The following CAMK2B variants were observed in gnomAD, a reference collection of about 807,000 sequenced individuals.
The protein encoded by CAMK2B is calcium/calmodulin dependent protein kinase II beta.
In CAMK2B, 27 loss-of-function variants were observed where a neutral mutation model predicts 93.7. That is an observed-to-expected ratio of 0.29 (90% CI 0.21 to 0.40). The LOEUF is 0.40. Ranked by LOEUF, CAMK2B falls within the 10% of genes least tolerant of loss-of-function variation. The probability of loss-of-function intolerance (pLI) is 1.00; values close to 1 mark genes in which losing one functional copy is unlikely to be tolerated. For missense variants in CAMK2B, 568 were observed against 895.8 expected (o/e 0.63, Z 4.67); for synonymous variants, 374 against 358.8 (o/e 1.04, Z -0.48).
intron 5 of CAMK2B, among the ~76,000 whole-genome samples, chr7:44,251,227 A>G (rs2096777527): frequency 6.6e-6 from 1 of 152,160 alleles, no homozygotes; most frequent in African/African-American, 2.4e-5. Flanking sequence ...CTGTCTCAGC[A>G]CAACCCTGAC....
At chr7:44,241,902 C>T (rs537051183) in intron 10 of CAMK2B, 119 bp from the exon 11 acceptor site, 15 of 794,524 alleles carry the variant, frequency 1.9e-5, no homozygotes, top group South Asian at 9.6e-5. Context: ...GCCACCATTG[C>T]GGCAAGGGTT....
chr7:44,263,440 G>A (rs750840539), intron 2 of CAMK2B, among the ~76,000 whole-genome samples: 23 of 152,228 alleles, frequency 1.5e-4, no homozygotes, highest in Non-Finnish European at 2.9e-4. Flanking sequence ...CGAGGCAGGG[G>A]AGGGGCTGTC....
chr7:44,270,612 T>C (rs1434593317), intron 2 of CAMK2B, among the ~76,000 whole-genome samples: 1 of 152,234 alleles, frequency 6.6e-6, no homozygotes, highest in Non-Finnish European at 1.5e-5. Flanking sequence ...GGAAACTGGC[T>C]GCATCCAAAT....
At chr7:44,284,353 T>A (rs1426713717) in intron 1 of CAMK2B, 128 bp from the exon 2 acceptor site, 1 of 681,226 alleles carries the variant, frequency 1.5e-6, no homozygotes, top group Non-Finnish European at 2.5e-6. Context: ...CTCGGGCAGA[T>A]GGCTGTGAGT....
intron 20 of CAMK2B, 53 bp from the exon 21 acceptor site, chr7:44,220,954 A>G: frequency 3.4e-6 from 5 of 1,456,274 alleles, no homozygotes; most frequent in South Asian, 1.2e-5. Context: ...TTCCCCCCGG[A>G]CCCCTCCACA....
chr7:44,267,832 G>A (rs1406902169), intron 2 of CAMK2B, among the ~76,000 whole-genome samples: 1 of 152,222 alleles, frequency 6.6e-6, no homozygotes, highest in Non-Finnish European at 1.5e-5. Flanking sequence ...CTAAACCGGA[G>A]CCTGCAATTA....
rs1280887581 is a variant in CAMK2B at position 44,224,121 on chromosome 7, C to A, written c.1597+2395G>T. Reference sequence around the variant, plus strand: ...CGTGAAGTAAACAGAAGAGGAGATGCATGGTCAGAGTTCCAATCAAGAGTG... The same window carrying A: ...CGTGAAGTAAACAGAAGAGGAGATGAATGGTCAGAGTTCCAATCAAGAGTG... On this transcript the variant is annotated intron_variant, in intron 20 of 23. Transcript: ENST00000395749. This position sits in a 1 kb window ranked among gnomAD's most constrained non-coding sequence, Gnocchi z 4.4. Among the ~76,000 whole-genome samples the A allele has an allele frequency of 6.6e-6, 1 of 152,208 alleles. No homozygotes were observed. Among genetic ancestry groups the A allele is most frequent in the Non-Finnish European group, 1.5e-5 (1 of 68,046 alleles).
chr7:44,220,101 G>A lies in CAMK2B; in HGVS notation c.1962C>T (p.His654=), dbSNP rs146788876. ...CCACAGGCGCGCCCGAGCAGTGGAAGTGCACGTTCTGCCACTTGCCGTCGC... is the reference window on the plus strand; with the variant it reads ...CCACAGGCGCGCCCGAGCAGTGGAAATGCACGTTCTGCCACTTGCCGTCGC... The part of the protein sequence containing the change: ...HRRDGKWQNV[H]FHCSGAPVAP... Residue 654 remains histidine, a synonymous_variant, in exon 23 of 24, where the codon CAC becomes CAT. Transcript: ENST00000395749. The A allele has an allele frequency of 3.7e-6, 6 of 1,609,198 alleles. No individual in the cohort carries two copies. The highest frequency in any genetic ancestry group is 4.5e-5 in the East Asian group (2 of 44,782).
Position 44,218,286 on chromosome 7 carries a change from A to C in CAMK2B, c.*1239T>G, listed in dbSNP as rs909380036. 3 of 152,618 alleles carry C rather than the reference A, an allele frequency of 2.0e-5. No homozygotes were observed. The highest frequency in any genetic ancestry group is 7.2e-5 in the African/African-American group (3 of 41,470). 9.5% of individuals were successfully genotyped at this position (152,618 alleles called of 1,614,324 possible). On this transcript the variant is annotated 3_prime_UTR_variant, in exon 24 of 24. Coordinates refer to ENST00000395749, the MANE Select transcript of CAMK2B (RefSeq NM_001220.5). ...AAACCCCTGCACAGACCCTTGTCTC[A>C]GCCCAGAAGCTGGGCAGCCACCACC...
intron 1 of CAMK2B, among the ~76,000 whole-genome samples, chr7:44,292,553 A>T (rs1293696706): frequency 6.6e-6 from 1 of 152,216 alleles, no homozygotes; most frequent in Non-Finnish European, 1.5e-5. Flanking sequence ...TGAGAAAAGA[A>T]GTTTGGGAAC....
intron 1 of CAMK2B, among the ~76,000 whole-genome samples, chr7:44,285,514 G>A (rs1211542680): frequency 2.0e-5 from 3 of 152,216 alleles, no homozygotes; most frequent in African/African-American, 7.2e-5. Flanking sequence ...ACCCACATGG[G>A]AGTCCAGGCC....
chr7:44,236,436 G>A (rs1016951937), intron 13 of CAMK2B, among the ~76,000 whole-genome samples: 2 of 152,024 alleles, frequency 1.3e-5, no homozygotes, highest in African/African-American at 4.8e-5. Flanking sequence ...GAAGTAGAGG[G>A]GCCTCAGGCA....
In CAMK2B at chr7:44,225,993, C is replaced by G. The variant is rs1044939988; in HGVS notation, c.1597+523G>C. 1.6e-5 allele frequency: 18 copies of G among 1,132,972 alleles called. No homozygotes were observed. The highest frequency in any genetic ancestry group is 2.1e-5 in the Non-Finnish European group (18 of 869,034). The allele number at this position is 1,132,972 out of a possible 1,614,324, so 70.2% of individuals were successfully genotyped here. On this transcript the variant is annotated intron_variant, in intron 20 of 23. Transcript: ENST00000395749. This position sits in a 1 kb window ranked among gnomAD's most constrained non-coding sequence, Gnocchi z 5.0. ...TGCCCAGCCTGTGCTTCCTGTCCCG[C>G]CCGCTCTGTTTCAGCCTGGCCCCAG...
chr7:44,298,345 C>T (rs1788887125), intron 1 of CAMK2B, among the ~76,000 whole-genome samples: 1 of 152,152 alleles, frequency 6.6e-6, no homozygotes, highest in Non-Finnish European at 1.5e-5. Flanking sequence ...ACATGCAAAA[C>T]AATGAAGTTG....
chr7:44,232,717 A>G lies in CAMK2B; in HGVS notation c.1176+105T>C, dbSNP rs890733301. The G allele has an allele frequency of 2.3e-5, 24 of 1,040,822 alleles. No individual in the cohort carries two copies. In the African/African-American group the frequency reaches 2.6e-4, roughly 11 times the overall value. The allele number at this position is 1,040,822 out of a possible 1,614,324, so 64.5% of individuals were successfully genotyped here. A position where few individuals can be genotyped will look rare whatever the true frequency, so the allele number is the denominator to read the frequency against. On this transcript the variant is annotated intron_variant, in intron 16 of 23. Transcript: ENST00000395749. ...TACTGCGGGGAGGGGCGGCCAGGGC[A>G]TGGGACATCTGCCCTCCACTCTGGC... is the stretch of plus-strand genomic sequence containing the variant.
intron 15 of CAMK2B, among the ~76,000 whole-genome samples, chr7:44,233,885 A>G (rs753757025): frequency 6.6e-6 from 1 of 152,062 alleles, no homozygotes; most frequent in Non-Finnish European, 1.5e-5. Context: ...CTACTGCACC[A>G]CCGTGGCCCC....
At chr7:44,284,367 A>G in intron 1 of CAMK2B, 142 bp from the exon 2 acceptor site, 1 of 648,266 alleles carries the variant, frequency 1.5e-6, no homozygotes, top group South Asian at 1.8e-5. Flanking sequence ...TGTGAGTCAG[A>G]AACTGTGAGG....
chr7:44,244,303 A>G (rs893663786), intron 6 of CAMK2B, among the ~76,000 whole-genome samples: 1 of 152,162 alleles, frequency 6.6e-6, no homozygotes, highest in Admixed American at 6.5e-5. Flanking sequence ...GCAGCGGCCA[A>G]GGAGGCCTGG....
chr7:44,243,203 T>C (rs749714547), intron 8 of CAMK2B, 47 bp downstream of exon 8: 6 of 1,453,430 alleles, frequency 4.1e-6, no homozygotes, highest in Non-Finnish European at 5.8e-6. Flanking sequence ...TGGGAAGTCC[T>C]GAAACACCCG....
Sources: allele counts gnomAD v4.1 joint callset (sites outside exome capture counted in the v4.1 genomes callset), GRCh38; gene constraint gnomAD v4.1.1; non-coding constraint Gnocchi (gnomAD v3.1); transcripts MANE v1.5; gene names NCBI Gene and HGNC (gene_info 2026-07-23, HGNC 2026-07-21).